MCOLN2: variants seen among roughly 807,000 people sequenced by gnomAD.
MCOLN2 encodes mucolipin TRP cation channel 2.
A neutral mutation model predicts 67.5 loss-of-function variants in MCOLN2; 57 were observed. That is an observed-to-expected ratio of 0.84 (90% CI 0.68 to 1.05). The LOEUF (loss-of-function observed/expected upper bound fraction) is 1.05, where lower values mean the gene tolerates loss of function less well. MCOLN2 is among the 50% of genes least tolerant of loss of function. The probability of loss-of-function intolerance (pLI) is 0.00; values close to 1 mark genes in which losing one functional copy is unlikely to be tolerated. For missense variants in MCOLN2, 620 were observed against 678.8 expected, an observed-to-expected ratio of 0.91 and a Z score of 0.96; for synonymous variants, 246 against 233.3, an observed-to-expected ratio of 1.05 and a Z score of -0.50.
At chr1:84,987,524 G>A (rs1333847537) in intron 1 of MCOLN2, among the ~76,000 whole-genome samples, 6,006 of 17,846 alleles carry the variant, frequency 0.34, 652 homozygotes, top group East Asian at 0.54. Context: ...ATGTATATAT[G>A]TATACATCTA....
intron 1 of MCOLN2, among the ~76,000 whole-genome samples, 161 bp downstream of exon 1, chr1:84,996,632 TTTG>T (rs903117175): frequency 2.6e-4 from 39 of 151,932 alleles, no homozygotes; most frequent in Admixed American, 9.8e-4. Context: ...GAAAGGCCTG[TTTG>T]TTCTGGAAGG....
rs558388498 is a variant in MCOLN2 at position 84,961,087 on chromosome 1, G to T, written c.238-2385C>A. On this transcript the variant is annotated intron_variant, in intron 2 of 13. Coordinates refer to ENST00000370608, the MANE Select transcript of MCOLN2 (RefSeq NM_153259.4). ...AATGCCCATCACAATGTCAAACACT[G>T]AATCAGCTGATGAATATAATCCCAT... Among the ~76,000 whole-genome samples the T allele has an allele frequency of 2.6e-5, 4 of 152,230 alleles. No homozygotes were observed. The South Asian group carries it at 8.3e-4, about 32-fold the overall frequency.
intron 4 of MCOLN2, among the ~76,000 whole-genome samples, chr1:84,953,516 C>T (rs1343877907): frequency 1.3e-5 from 2 of 148,980 alleles, no homozygotes; most frequent in Non-Finnish European, 3.0e-5. Context: ...CGCCACTGCA[C>T]TCCAGCCTGG....
rs760666732 is a variant in MCOLN2 at position 84,995,806 on chromosome 1, T to TAAA, written c.77+987_77+989dup. Among the ~76,000 whole-genome samples, 1,002 of 150,458 alleles carry TAAA rather than the reference T, an allele frequency of 6.7e-3. 6 individuals are homozygous for TAAA. Among genetic ancestry groups the TAAA allele is most frequent in the Middle Eastern group, 0.017 (5 of 290 alleles). On this transcript the variant is annotated intron_variant, in intron 1 of 13. Coordinates refer to ENST00000370608, the MANE Select transcript of MCOLN2 (RefSeq NM_153259.4). Reference sequence around the variant, plus strand: ...TTTTATATCTATTACTCTATTTTTTTAAAAAAAAACACTTTTGATATGTTC... The same window carrying TAAA: ...TTTTATATCTATTACTCTATTTTTTTAAAAAAAAAAAACACTTTTGATATGTTC...
intron 1 of MCOLN2, among the ~76,000 whole-genome samples, chr1:84,992,147 A>G (rs912285752): frequency 1.3e-5 from 2 of 152,244 alleles, no homozygotes; most frequent in African/African-American, 4.8e-5. Flanking sequence ...TGGCATAAGT[A>G]GTACAATTTT....
chr1:84,927,962 G>C (rs543414995), intron 13 of MCOLN2, among the ~76,000 whole-genome samples: 1 of 152,176 alleles, frequency 6.6e-6, no homozygotes, highest in South Asian at 2.1e-4. Flanking sequence ...CTTAATTTTA[G>C]ATGGAGTCAA....
chr1:84,997,110 G>C lies in MCOLN2; in HGVS notation c.-238C>G. On this transcript the variant is annotated 5_prime_UTR_variant, in exon 1 of 14. Coordinates refer to ENST00000370608, the MANE Select transcript of MCOLN2 (RefSeq NM_153259.4). The stretch of plus-strand genomic sequence containing the variant: ...TCTCGGGCGGCTGAAAGGCGGCTCT[G>C]TGTGCACCCTGCAGGATGCGGCGCG... The C allele has an allele frequency of 1.9e-6, 1 of 526,318 alleles. No homozygotes were observed. Among genetic ancestry groups the C allele is most frequent in the Non-Finnish European group, 3.3e-6 (1 of 299,550 alleles). The allele number at this position is 526,318 out of a possible 1,614,324, so 32.6% of individuals were successfully genotyped here.
intron 1 of MCOLN2, among the ~76,000 whole-genome samples, chr1:84,982,977 C>A (rs1378431427): frequency 1.3e-5 from 2 of 152,132 alleles, no homozygotes; most frequent in Admixed American, 1.3e-4. Flanking sequence ...CCTGGCCTCC[C>A]AAAGTGTTGG....
Position 84,958,510 on chromosome 1 carries a change from T to G in MCOLN2, c.411+19A>C. On this transcript the variant is annotated intron_variant, in intron 3 of 13. Transcript: ENST00000370608. ...CAATACATTGTTAAAGTATAGGTCA[T>G]TCACAACAAAACACTTGCCTGATTA... 2 of 1,588,300 alleles carry G rather than the reference T, an allele frequency of 1.3e-6. No individual in the cohort carries two copies. The highest frequency in any genetic ancestry group is 1.7e-6 in the Non-Finnish European group (2 of 1,172,754).
chr1:84,960,477 G>C (rs600924), intron 2 of MCOLN2, among the ~76,000 whole-genome samples: 1 of 151,974 alleles, frequency 6.6e-6, no homozygotes, highest in Admixed American at 6.5e-5. Flanking sequence ...CGCTTGAGAA[G>C]GTACACAGAT....
At chr1:84,960,567 A>G (rs1248677383) in intron 2 of MCOLN2, among the ~76,000 whole-genome samples, 1 of 152,228 alleles carries the variant, frequency 6.6e-6, no homozygotes, top group Admixed American at 6.5e-5. Context: ...GCTAAAACTC[A>G]GCTATTCTAA....
rs138464545 is a variant in MCOLN2, at chr1:84,951,965, T to C, written c.747+278A>G. Among the ~76,000 whole-genome samples, 628 of 152,316 alleles carry C rather than the reference T, an allele frequency of 4.1e-3. 3 individuals carry two copies. The highest frequency in any genetic ancestry group is 0.014 in the African/African-American group (589 of 41,564). On this transcript the variant is annotated intron_variant, in intron 6 of 13. Transcript: ENST00000370608. ...AGCTGGGTGTGGTGGCACATGCCTG[T>C]AATCCCACCTACTTGGGAGGCTGAG... is the stretch of plus-strand genomic sequence containing the variant.
intron 1 of MCOLN2, among the ~76,000 whole-genome samples, chr1:84,968,813 T>C (rs1023195231): frequency 2.0e-5 from 3 of 152,208 alleles, no homozygotes; most frequent in African/African-American, 7.2e-5. Context: ...CCCTGTCTGA[T>C]TGTAGGTCAC....
In MCOLN2 at chr1:84,929,933, T is replaced by TAAA. The variant is rs869105033; in HGVS notation, c.1543-257_1543-255dup. The stretch of plus-strand genomic sequence containing the variant: ...AGAAGAGCCAGGGAGAGGTTTTTTT[T>TAAA]AAAAAAAAAAAAGGTAATGAAGGAA... On this transcript the variant is annotated intron_variant, in intron 12 of 13. Coordinates refer to ENST00000370608, the MANE Select transcript of MCOLN2 (RefSeq NM_153259.4). The TAAA allele has an allele frequency of 1.8e-3, 354 of 195,090 alleles. 2 individuals are homozygous for TAAA. The highest frequency in any genetic ancestry group is 3.4e-3 in the African/African-American group (142 of 41,708). 12.1% of individuals were successfully genotyped at this position (195,090 alleles called of 1,614,324 possible). A position where few individuals can be genotyped will look rare whatever the true frequency, so the allele number is the denominator to read the frequency against.
At chr1:84,974,721 C>G (rs1322583557) in intron 1 of MCOLN2, among the ~76,000 whole-genome samples, 2 of 152,002 alleles carry the variant, frequency 1.3e-5, no homozygotes, top group African/African-American at 4.8e-5. Context: ...GGTGGAGCAA[C>G]AAGTGGGCTC....
At chr1:84,955,519 A>G (rs1161969650) in intron 4 of MCOLN2, among the ~76,000 whole-genome samples, 1 of 152,194 alleles carries the variant, frequency 6.6e-6, no homozygotes, top group East Asian at 1.9e-4. Flanking sequence ...AGAAATGAGG[A>G]CAGGGGTCTG....
At chr1:84,969,552 C>T (rs190126663) in intron 1 of MCOLN2, among the ~76,000 whole-genome samples, 171 of 134,846 alleles carry the variant, frequency 1.3e-3, no homozygotes, top group African/African-American at 4.8e-3. Context: ...GTCTGGATGA[C>T]AGAGTAAGAC....
intron 1 of MCOLN2, among the ~76,000 whole-genome samples, chr1:84,969,816 T>A (rs1649575139): frequency 6.6e-6 from 1 of 152,164 alleles, no homozygotes; most frequent in African/African-American, 2.4e-5. Flanking sequence ...TGCATAATTA[T>A]TAAAGAGTTC....
chr1:84,954,166 C>A (rs911528382), intron 4 of MCOLN2, among the ~76,000 whole-genome samples: 1 of 152,194 alleles, frequency 6.6e-6, no homozygotes, highest in Admixed American at 6.5e-5. Flanking sequence ...TCCTGATACA[C>A]GGGATACACT....
Sources: gnomAD v4.1 joint callset for allele counts (sites outside exome capture counted in the v4.1 genomes callset) on GRCh38, gnomAD v4.1.1 for gene constraint, MANE v1.5 for transcripts, NCBI Gene and HGNC (gene_info 2026-07-23, HGNC 2026-07-21) for gene names.